SLC6A5: variants seen among roughly 807,000 people sequenced by gnomAD.
The protein encoded by SLC6A5 is sodium- and chloride-dependent glycine transporter 2.
In SLC6A5, 58 loss-of-function variants were observed where a neutral mutation model predicts 90.5. That is an observed-to-expected ratio of 0.64 (90% confidence interval 0.52 to 0.80). The LOEUF (loss-of-function observed/expected upper bound fraction) is 0.80, where lower values mean the gene tolerates loss of function less well. SLC6A5 is among the 30% of genes least tolerant of loss of function. SLC6A5 has a pLI of 0.00. For synonymous variants in SLC6A5, 427 were observed against 401.4 expected (o/e 1.06, Z -0.76); for missense variants, 1,015 against 1,017.6 (o/e 1.00, Z 0.03).
intron 5 of SLC6A5, among the ~76,000 whole-genome samples, chr11:20,613,470 T>C (rs890665634): frequency 2.6e-5 from 4 of 152,096 alleles, no homozygotes; most frequent in Non-Finnish European, 4.4e-5. Context: ...ATTCTTCCTA[T>C]TTAAAATGAC....
At chr11:20,638,367 T>A in intron 12 of SLC6A5, 92 bp from the exon 13 acceptor site, 1 of 817,542 alleles carries the variant, frequency 1.2e-6, no homozygotes, top group Non-Finnish European at 2.2e-6. Flanking sequence ...ACCTGACTCT[T>A]TTTAGGATTG....
Position 20,646,909 on chromosome 11 carries a change from C to T in SLC6A5, c.2045C>T (p.Ala682Val), listed in dbSNP as rs1853426950. Reference sequence around the variant, plus strand: ...AACATCTTCTGGAAAGTCTGCTGGGCATTTGTAACCCCAACCATTTTAACC... The same window carrying T: ...AACATCTTCTGGAAAGTCTGCTGGGTATTTGTAACCCCAACCATTTTAACC... ...QPNIFWKVCW[A>V]FVTPTILTFI... is the part of the protein sequence containing the mutation. Residue 682 changes from alanine to valine, a missense_variant, in exon 14 of 16, where the codon GCA becomes GTA. Physicochemically the swap from Ala to Val is moderately conservative, Grantham distance 64. Coordinates refer to ENST00000525748, the MANE Select transcript of SLC6A5 (RefSeq NM_004211.5). 1 of 1,612,376 alleles carries T rather than the reference C, an allele frequency of 6.2e-7. No homozygotes were observed. The highest frequency in any genetic ancestry group is 8.5e-7 in the Non-Finnish European group (1 of 1,178,540).
chr11:20,624,592 C>T (rs1852955705), intron 7 of SLC6A5, among the ~76,000 whole-genome samples: 1 of 152,142 alleles, frequency 6.6e-6, no homozygotes. Context: ...TCTGTGCAGA[C>T]AGCGTGCGGC....
chr11:20,648,808 A>G (rs745939742), intron 14 of SLC6A5, among the ~76,000 whole-genome samples: 19 of 152,364 alleles, frequency 1.2e-4, no homozygotes, highest in Non-Finnish European at 2.4e-4. Context: ...TCACATAGTA[A>G]TAATCAGCGC....
intron 11 of SLC6A5, 131 bp downstream of exon 11, chr11:20,636,550 A>G (rs1565285112): frequency 9.7e-6 from 7 of 718,882 alleles, no homozygotes; most frequent in Middle Eastern, 2.4e-4. Flanking sequence ...AGAGATCTAG[A>G]GATGCTGAAG....
chr11:20,612,982 A>G (rs1852721367), intron 5 of SLC6A5, among the ~76,000 whole-genome samples: 1 of 152,234 alleles, frequency 6.6e-6, no homozygotes, highest in Non-Finnish European at 1.5e-5. Context: ...GGTTGGCCAC[A>G]GTCCCCACCT....
At chr11:20,602,280 A>G (rs1321189276) in intron 2 of SLC6A5, among the ~76,000 whole-genome samples, 9 of 152,064 alleles carry the variant, frequency 5.9e-5, no homozygotes, top group Admixed American at 5.2e-4. Context: ...TTTTTTCCCT[A>G]AAGTAACCTC....
At chr11:20,636,076 C>G (rs1042586635) in intron 10 of SLC6A5, among the ~76,000 whole-genome samples, 5 of 152,192 alleles carry the variant, frequency 3.3e-5, no homozygotes, top group Non-Finnish European at 7.3e-5. Flanking sequence ...TATTTTTAGG[C>G]CTCTCCTGTG....
chr11:20,602,599 A>G (rs1049178538), intron 2 of SLC6A5, among the ~76,000 whole-genome samples: 4 of 151,984 alleles, frequency 2.6e-5, no homozygotes, highest in Non-Finnish European at 4.4e-5. Context: ...GGGGCTATGC[A>G]TATATCCAGC....
chr11:20,614,683 CT>C lies in SLC6A5; in HGVS notation c.991del (p.Cys331ValfsTer18), dbSNP rs772774526. 1 of 1,613,670 alleles carries C rather than the reference CT, an allele frequency of 6.2e-7. No homozygotes were observed. Among genetic ancestry groups the C allele is most frequent in the South Asian group, 1.1e-5 (1 of 91,074 alleles). On this transcript the variant is annotated frameshift_variant, in exon 6 of 16. Coordinates refer to ENST00000525748, the MANE Select transcript of SLC6A5 (RefSeq NM_004211.5). LOFTEE classifies it high-confidence loss of function. ...KDKTKLLLDS[C>X]VISDHPKIQI... ...ATTCTGTCCTCTCCTAAACAGATTC[CT>C]GTGTTATCAGTGACCATCCCAAAAT...
At chr11:20,622,655 G>A (rs1852913999) in intron 7 of SLC6A5, among the ~76,000 whole-genome samples, 1 of 152,168 alleles carries the variant, frequency 6.6e-6, no homozygotes, top group Non-Finnish European at 1.5e-5. Flanking sequence ...GGCCACAGAG[G>A]GAACTCAGGA....
intron 5 of SLC6A5, among the ~76,000 whole-genome samples, chr11:20,609,690 C>A (rs1852658647): frequency 6.6e-6 from 1 of 152,206 alleles, no homozygotes; most frequent in African/African-American, 2.4e-5. Flanking sequence ...GGACTCATCC[C>A]AGGAGAGAGG....
chr11:20,657,485 A>T lies in SLC6A5; in HGVS notation c.*2617A>T, dbSNP rs1279834908. On this transcript the variant is annotated 3_prime_UTR_variant, in exon 16 of 16. Transcript: ENST00000525748. ...GGTGAAAGGTTCCAAATTTACCTGG[A>T]AATGGTTACCTTGTAAATTTAGCTT... 17 of 152,264 alleles carry T rather than the reference A, an allele frequency of 1.1e-4. No individual in the cohort carries two copies. Among genetic ancestry groups the T allele is most frequent in the Admixed American group, 1.0e-3 (16 of 15,292 alleles). The allele number at this position is 152,264 out of a possible 1,614,324, so 9.4% of individuals were successfully genotyped here. A position where few individuals can be genotyped will look rare whatever the true frequency, so the allele number is the denominator to read the frequency against.
chr11:20,617,692 C>T, intron 6 of SLC6A5, 60 bp from the exon 7 acceptor site: 1 of 1,509,654 alleles, frequency 6.6e-7, no homozygotes, highest in South Asian at 1.1e-5. Flanking sequence ...AGCCTACTGC[C>T]TGTCACCTCC....
intron 7 of SLC6A5, among the ~76,000 whole-genome samples, chr11:20,620,217 G>A (rs572224081): frequency 4.4e-4 from 67 of 152,284 alleles, no homozygotes; most frequent in African/African-American, 1.6e-3. Context: ...TGCAGGAGGA[G>A]AGGTGATAGG....
Position 20,606,993 on chromosome 11 carries a change from A to G in SLC6A5, c.680-14A>G, listed in dbSNP as rs1405044944. The G allele has an allele frequency of 2.5e-6, 4 of 1,613,552 alleles. No individual in the cohort carries two copies. The African/African-American group carries it at 4.0e-5, about 16-fold the overall frequency. On this transcript the variant is annotated splice_polypyrimidine_tract_variant and intron_variant, in intron 3 of 15. Coordinates refer to ENST00000525748, the MANE Select transcript of SLC6A5 (RefSeq NM_004211.5). ...TTGCCTCCTAGGGCTCTCACTCCCC[A>G]CTCTCTTTCCAAGGTGCTTTCCTCA...
chr11:20,638,650 T>C, intron 13 of SLC6A5, 92 bp downstream of exon 13: 2 of 812,818 alleles, frequency 2.5e-6, no homozygotes, highest in South Asian at 2.7e-5. Context: ...AATAAGACAA[T>C]ACAGGGCTTA....
intron 7 of SLC6A5, among the ~76,000 whole-genome samples, chr11:20,625,785 C>T (rs1220579351): frequency 6.6e-6 from 1 of 152,192 alleles, no homozygotes; most frequent in African/African-American, 2.4e-5. Flanking sequence ...CACCTTGCCT[C>T]TCCTCCTCTA....
chr11:20,600,802 T>G (rs1469037039), intron 1 of SLC6A5, among the ~76,000 whole-genome samples: 3 of 152,188 alleles, frequency 2.0e-5, no homozygotes, highest in Non-Finnish European at 4.4e-5. Flanking sequence ...AGCTGTGATG[T>G]GGAATCCAAA....
Sources: allele counts gnomAD v4.1 joint callset (sites outside exome capture counted in the v4.1 genomes callset), GRCh38; gene constraint gnomAD v4.1.1; transcripts MANE v1.5; gene names NCBI Gene and HGNC (gene_info 2026-07-23, HGNC 2026-07-21).